Variants in MCTP2 observed in about 807,000 individuals in gnomAD.
MCTP2 encodes multiple C2 and transmembrane domain-containing protein 2.
MCTP2 carries 132 observed loss-of-function variants against 111.6 expected under a neutral mutation model. The observed-to-expected ratio is 1.18, with a 90% CI of 1.03 to 1.37. The LOEUF (loss-of-function observed/expected upper bound fraction) is 1.37, where lower values mean the gene tolerates loss of function less well. Ranked by LOEUF, MCTP2 falls within the 40% of genes most tolerant of loss-of-function variation. The probability of loss-of-function intolerance (pLI) is 0.00; values close to 1 mark genes in which losing one functional copy is unlikely to be tolerated. For missense variants in MCTP2, 1,183 were observed against 1,067.9 expected, an observed-to-expected ratio of 1.11 and a Z score of -1.50; for synonymous variants, 395 against 387.7, an observed-to-expected ratio of 1.02 and a Z score of -0.22.
chr15:94,442,961 G>T lies in MCTP2; in HGVS notation c.2250+1G>T. 4 of 1,613,070 alleles carry T rather than the reference G, an allele frequency of 2.5e-6. No homozygotes were observed. The highest frequency in any genetic ancestry group is 3.4e-6 in the Non-Finnish European group (4 of 1,179,522). ...TGACGAGGAGGATGAAGATGACAAG[G>T]TGCGTATGTTCAAGAAAGAACACAC... On this transcript the variant is annotated splice_donor_variant, in intron 19 of 22. Transcript: ENST00000357742. LOFTEE classifies it high-confidence loss of function.
chr15:94,435,604 C>T (rs570748733), intron 17 of MCTP2, among the ~76,000 whole-genome samples: 1 of 147,512 alleles, frequency 6.8e-6, no homozygotes, highest in South Asian at 2.2e-4. Context: ...ATGTCATCTG[C>T]TAAAAAAGTT....
intron 21 of MCTP2, among the ~76,000 whole-genome samples, chr15:94,475,333 C>T (rs578029553): frequency 2.6e-5 from 4 of 152,170 alleles, no homozygotes; most frequent in African/African-American, 7.2e-5. Flanking sequence ...ACCATTTACT[C>T]GGGCACAATG....
At chr15:94,394,743 C>T (rs760665983) in intron 14 of MCTP2, among the ~76,000 whole-genome samples, 9 of 151,360 alleles carry the variant, frequency 5.9e-5, no homozygotes, top group East Asian at 3.9e-4. Flanking sequence ...CCAGCCTGGG[C>T]GACAGGGTGA....
intron 20 of MCTP2, among the ~76,000 whole-genome samples, chr15:94,462,117 C>G (rs578259480): frequency 2.6e-5 from 4 of 152,282 alleles, no homozygotes; most frequent in Admixed American, 2.6e-4. Flanking sequence ...GCCTTGGAAA[C>G]AAGGAAATAA....
chr15:94,417,875 G>A (rs906634327), intron 17 of MCTP2, among the ~76,000 whole-genome samples: 2 of 152,062 alleles, frequency 1.3e-5, no homozygotes, highest in Non-Finnish European at 2.9e-5. Flanking sequence ...GGGTACCTTA[G>A]TCGGTTTTAA....
intron 19 of MCTP2, among the ~76,000 whole-genome samples, chr15:94,457,861 A>C (rs918793238): frequency 6.6e-6 from 1 of 152,170 alleles, no homozygotes; most frequent in Non-Finnish European, 1.5e-5. Flanking sequence ...GGCAGCCTCC[A>C]CGGGGAAGTG....
chr15:94,457,165 T>C (rs897533484), intron 19 of MCTP2, among the ~76,000 whole-genome samples: 15 of 152,144 alleles, frequency 9.9e-5, no homozygotes, highest in African/African-American at 3.6e-4. Flanking sequence ...TTTCATACAA[T>C]AGGTGTAATG....
At position 94,356,133 on chromosome 15, in the gene MCTP2, T is replaced by G. The variant is rs1355417836; in HGVS notation, c.1006-4T>G. 6.3e-6 allele frequency: 10 copies of G among 1,574,982 alleles called. No individual in the cohort carries two copies. The highest frequency in any genetic ancestry group is 7.7e-6 in the Non-Finnish European group (9 of 1,161,354). On this transcript the variant is annotated splice_polypyrimidine_tract_variant and splice_region_variant and intron_variant, in intron 8 of 22. Coordinates refer to ENST00000357742, the MANE Select transcript of MCTP2 (RefSeq NM_001385001.1). ...TTACATGTCATCTTTATTTTTTGCT[T>G]TAGTCCTCTTTGATACGCAACCTAC...
intron 1 of MCTP2, among the ~76,000 whole-genome samples, chr15:94,258,335 TC>T (rs764511310): frequency 3.9e-5 from 6 of 152,296 alleles, no homozygotes; most frequent in Admixed American, 1.3e-4. Flanking sequence ...GAATTTCTTT[TC>T]TAATTATGAG....
intron 22 of MCTP2, among the ~76,000 whole-genome samples, chr15:94,477,878 C>T (rs1016640086): frequency 1.3e-5 from 2 of 151,938 alleles, no homozygotes; most frequent in African/African-American, 4.8e-5. Flanking sequence ...AAATAATAAC[C>T]CGGCCCCTGT....
intron 1 of MCTP2, among the ~76,000 whole-genome samples, chr15:94,293,797 A>T (rs1466260512): frequency 6.6e-6 from 1 of 152,254 alleles, no homozygotes; most frequent in Non-Finnish European, 1.5e-5. Context: ...TCTGGCAAAG[A>T]GTTATCAGGT....
chr15:94,380,773 A>C (rs1465201295), intron 12 of MCTP2, among the ~76,000 whole-genome samples: 2 of 152,086 alleles, frequency 1.3e-5, no homozygotes, highest in East Asian at 1.9e-4. Flanking sequence ...GTCTCAAAAA[A>C]AAAAAAGGGG....
chr15:94,323,971 C>T (rs1191435233), intron 4 of MCTP2, among the ~76,000 whole-genome samples: 4 of 152,104 alleles, frequency 2.6e-5, no homozygotes, highest in Non-Finnish European at 4.4e-5. Flanking sequence ...GTATTGTTTT[C>T]GACCAAATAG....
At chr15:94,444,396 T>G (rs1201074783) in intron 19 of MCTP2, among the ~76,000 whole-genome samples, 1 of 152,182 alleles carries the variant, frequency 6.6e-6, no homozygotes, top group Non-Finnish European at 1.5e-5. Context: ...TGGGCATTGG[T>G]GTTTAAGTCA....
In MCTP2 at chr15:94,340,733, T is replaced by G. The variant is rs2077591470; in HGVS notation, c.858-80T>G. Reference sequence around the variant, plus strand: ...TCCTTATTCAGAGGTAGGAGACTTTTACCATAAGCTCCTGATGCGTGTAGG... The same window carrying G: ...TCCTTATTCAGAGGTAGGAGACTTTGACCATAAGCTCCTGATGCGTGTAGG... On this transcript the variant is annotated intron_variant, in intron 6 of 22. Coordinates refer to ENST00000357742, the MANE Select transcript of MCTP2 (RefSeq NM_001385001.1). 2.0e-5 allele frequency: 16 copies of G among 802,542 alleles called. No homozygotes were observed. In the South Asian group the frequency reaches 2.9e-4, roughly 15 times the overall value. The allele number at this position is 802,542 out of a possible 1,614,324, so 49.7% of individuals were successfully genotyped here. A position where few individuals can be genotyped will look rare whatever the true frequency, so the allele number is the denominator to read the frequency against.
At chr15:94,451,003 A>G (rs1458190232) in intron 19 of MCTP2, among the ~76,000 whole-genome samples, 1 of 152,208 alleles carries the variant, frequency 6.6e-6, no homozygotes, top group African/African-American at 2.4e-5. Flanking sequence ...TGCTATACTC[A>G]TTGGATACCC....
rs1383994415 is a variant in MCTP2, at chr15:94,320,562, A to G, written c.637+4925A>G. 3.3e-5 allele frequency among the ~76,000 whole-genome samples: 5 copies of G among 152,182 alleles called. No individual in the cohort carries two copies. In the South Asian group the frequency reaches 8.3e-4, roughly 25 times the overall value. On this transcript the variant is annotated intron_variant, in intron 4 of 22. Transcript: ENST00000357742. ...AACTTCAGTGCTGGACTTAAGGAGCATTGAGGCCTGTTATACAAGGGAAAG... is the reference window on the plus strand; with the variant it reads ...AACTTCAGTGCTGGACTTAAGGAGCGTTGAGGCCTGTTATACAAGGGAAAG...
chr15:94,392,126 C>T (rs1287655350), intron 14 of MCTP2, among the ~76,000 whole-genome samples: 1 of 152,058 alleles, frequency 6.6e-6, no homozygotes, highest in Non-Finnish European at 1.5e-5. Flanking sequence ...AATCCCAGCA[C>T]TTTGGGAGGC....
chr15:94,241,520 G>A (rs1199752302), intron 1 of MCTP2, among the ~76,000 whole-genome samples: 1 of 152,088 alleles, frequency 6.6e-6, no homozygotes, highest in Non-Finnish European at 1.5e-5. Context: ...TTTGCTGGTG[G>A]CTGTGGGTCA....
Sources: allele counts gnomAD v4.1 joint callset (sites outside exome capture counted in the v4.1 genomes callset), GRCh38; gene constraint gnomAD v4.1.1; transcripts MANE v1.5; gene names NCBI Gene and HGNC (gene_info 2026-07-23, HGNC 2026-07-21).